The following IAH1 variants were observed in gnomAD, a reference collection of about 807,000 sequenced individuals.
IAH1 encodes the protein isoamyl acetate-hydrolyzing esterase 1 homolog.
In IAH1, 24 loss-of-function variants were observed where a neutral mutation model predicts 26.7. The observed-to-expected ratio is 0.90, with a 90% CI of 0.65 to 1.26. IAH1 has a LOEUF of 1.26. IAH1 is among the 50% of genes most tolerant of loss of function. IAH1 has a pLI of 0.00. For missense variants in IAH1, 300 were observed against 299.9 expected, an observed-to-expected ratio of 1.00 and a Z score of 0.00; for synonymous variants, 140 against 118.5, an observed-to-expected ratio of 1.18 and a Z score of -1.18.
exon 7 of IAH1, chr2:9,496,414 G>C (rs796307645): frequency 3.3e-5 from 5 of 151,222 alleles, no homozygotes; most frequent in African/African-American, 1.2e-4. Flanking sequence ...ACAGGTGTGA[G>C]TCACCACACC....
rs571615380 is a variant in IAH1, at chr2:9,484,211, T to C, written c.446-221T>C. The stretch of plus-strand genomic sequence containing the variant: ...CGCCTCAGAAGATTCCGGTTACCAC[T>C]GAAGGCTCCTTCTTCCCACTGCACC... On this transcript the variant is annotated intron_variant, in intron 4 of 5. Coordinates refer to ENST00000497473, the MANE Select transcript of IAH1 (RefSeq NM_001039613.3). Among the ~76,000 whole-genome samples the C allele has an allele frequency of 3.5e-4, 53 of 152,330 alleles. 1 individual carries two copies. Among genetic ancestry groups the C allele is most frequent in the Admixed American group, 1.4e-3 (21 of 15,300 alleles).
the IAH1 span, among the ~76,000 whole-genome samples, chr2:9,507,437 G>A: frequency 5.9e-5 from 9 of 152,236 alleles, no homozygotes; most frequent in African/African-American, 2.2e-4. Flanking sequence ...GGGAGGTGGA[G>A]GTTGCAGTGA....
intron 5 of IAH1, 93 bp from the exon 6 acceptor site, chr2:9,488,054 C>T (rs912288318): frequency 2.4e-6 from 2 of 844,558 alleles, no homozygotes; most frequent in Non-Finnish European, 1.8e-6. Context: ...TCCTGTCTTC[C>T]AGTAATCCTC....
chr2:9,493,100 C>A, downstream of IAH1: 1 of 795,204 alleles, frequency 1.3e-6, no homozygotes, highest in Non-Finnish European at 2.0e-6. Context: ...GCTAGACATA[C>A]TACCGAGAGC....
intron 6 of IAH1, among the ~76,000 whole-genome samples, chr2:9,496,156 T>TAATATTTATA (rs1662581597): frequency 6.6e-6 from 1 of 151,994 alleles, no homozygotes; most frequent in South Asian, 2.1e-4. Flanking sequence ...TGAAATGGAG[T>TAATATTTATA]CTCGCTCTGT....
chr2:9,484,364 A>T (rs568133720), intron 4 of IAH1, 68 bp from the exon 5 acceptor site: 2 of 1,187,448 alleles, frequency 1.7e-6, no homozygotes, highest in Non-Finnish European at 2.5e-6. Flanking sequence ...AGATGAGTGG[A>T]GCAGAACTTA....
At position 9,488,297 on chromosome 2, in the gene IAH1, G is replaced by C; in HGVS notation, c.715G>C (p.Glu239Gln). ...GCGGGATGTAGCAGAAGCAAAACCT[G>C]AATTAAGTCTGCTGGGAGATGGAGA... is the stretch of plus-strand genomic sequence containing the variant. ...YWRDVAEAKP[E>Q]LSLLGDGDH Residue 239 changes from glutamate (E) to glutamine (Q), a missense_variant, in exon 6 of 6, where the codon GAA (glutamate) becomes CAA (glutamine). Coordinates refer to ENST00000497473, the MANE Select transcript of IAH1 (RefSeq NM_001039613.3). 6.2e-7 allele frequency: 1 copy of C among 1,610,890 alleles called. No homozygotes were observed. Among genetic ancestry groups the C allele is most frequent in the African/African-American group, 1.3e-5 (1 of 74,834 alleles).
chr2:9,484,304 C>CG, intron 4 of IAH1, 128 bp from the exon 5 acceptor site: 1 of 748,240 alleles, frequency 1.3e-6, no homozygotes, highest in Non-Finnish European at 2.4e-6. Context: ...CCCTAAACCC[C>CG]GGGGCTGGCC....
At chr2:9,475,817 A>G (rs962468919) in intron 1 of IAH1, 170 bp from the exon 2 acceptor site, 3 of 627,916 alleles carry the variant, frequency 4.8e-6, no homozygotes, top group Non-Finnish European at 8.7e-6. Context: ...CCCCTCTGCT[A>G]AAGTGCTGCC....
the IAH1 span, among the ~76,000 whole-genome samples, chr2:9,501,707 A>G: frequency 6.6e-6 from 1 of 152,168 alleles, no homozygotes; most frequent in African/African-American, 2.4e-5. Flanking sequence ...TTATCCCAAG[A>G]TTGTCATTTT....
rs61732201 is a variant in IAH1, at chr2:9,476,025, T to C, written c.120T>C (p.Ala40=). The C allele has an allele frequency of 1.2e-6, 2 of 1,613,678 alleles. No individual in the cohort carries two copies. Among genetic ancestry groups the C allele is most frequent in the Non-Finnish European group, 8.5e-7 (1 of 1,179,914 alleles). Residue 40 remains alanine, a synonymous_variant, in exon 2 of 6, where the codon GCT becomes GCC. Coordinates refer to ENST00000497473, the MANE Select transcript of IAH1 (RefSeq NM_001039613.3). ...AGGGTGGATGGGGAGCATCGCTGGCTGACAGGCTGGTCAGGTGAGAATGGT... is the reference window on the plus strand; with the variant it reads ...AGGGTGGATGGGGAGCATCGCTGGCCGACAGGCTGGTCAGGTGAGAATGGT... ...FQQGGWGASL[A]DRLVRKCDVL... is the part of the protein sequence containing the mutation.
intron 3 of IAH1, 70 bp from the exon 4 acceptor site, chr2:9,481,216 A>G (rs1270039970): frequency 1.3e-6 from 2 of 1,529,068 alleles, no homozygotes; most frequent in Admixed American, 1.7e-5. Context: ...CATTTGCAGA[A>G]GTGTGTTCAC....
chr2:9,479,795 C>CTTTTTTTTTTTTTTTTTTT (rs5829216), intron 3 of IAH1, among the ~76,000 whole-genome samples: 1 of 69,870 alleles, frequency 1.4e-5, no homozygotes, highest in Non-Finnish European at 2.5e-5. Context: ...CTGTGTATTG[C>CTTTTTTTTTTTTTTTTTTT]TTTTTTTTTT....
downstream of IAH1, among the ~76,000 whole-genome samples, chr2:9,492,027 C>A (rs1662198287): frequency 6.6e-6 from 1 of 152,154 alleles, no homozygotes; most frequent in Non-Finnish European, 1.5e-5. Context: ...CTTCCTATAC[C>A]CATCATGCTC....
At chr2:9,502,226 T>C in the IAH1 span, 1 of 1,614,146 alleles carries the variant, frequency 6.2e-7, no homozygotes, top group Admixed American at 1.7e-5. Context: ...CTGGCACTTC[T>C]TCTGGGCAGT....
downstream of IAH1, chr2:9,491,127 C>G (rs749976457): frequency 6.2e-7 from 1 of 1,613,048 alleles, no homozygotes; most frequent in East Asian, 2.2e-5. Context: ...GACAGAGATT[C>G]ATACTGTTTA....
At chr2:9,497,353 A>C, downstream of IAH1, 2 of 1,443,336 alleles carry the variant, frequency 1.4e-6, no homozygotes, top group Non-Finnish European at 1.9e-6. Flanking sequence ...CTTACCTTGC[A>C]AAAGCAAAAA....
At position 9,489,259 on chromosome 2, in the gene IAH1, A is replaced by ATTTTTTTTT. The variant is rs34525911; in HGVS notation, c.*946_*954dup. On this transcript the variant is annotated 3_prime_UTR_variant, in exon 6 of 6. Transcript: ENST00000497473. ...AATATTCTAGGTTTGTAGATAGTGAATTTTTTTTTTTTTTTTTTTTTTTTG... is the reference window on the plus strand; with the variant it reads ...AATATTCTAGGTTTGTAGATAGTGAATTTTTTTTTTTTTTTTTTTTTTTTTTTTTTTTTG... 8.7e-4 allele frequency: 76 copies of ATTTTTTTTT among 87,396 alleles called. 6 individuals carry two copies. The highest frequency in any genetic ancestry group is 4.8e-3 in the African/African-American group (74 of 15,526). The allele number at this position is 87,396 out of a possible 1,614,324, so 5.4% of individuals were successfully genotyped here.
At chr2:9,499,456 C>CA (rs1662865930), downstream of IAH1, among the ~76,000 whole-genome samples, 1 of 151,938 alleles carries the variant, frequency 6.6e-6, no homozygotes. Flanking sequence ...GGCTGGAGTG[C>CA]AGTGGCGTGA....
Sources: allele counts gnomAD v4.1 joint callset (sites outside exome capture counted in the v4.1 genomes callset), GRCh38; gene constraint gnomAD v4.1.1; transcripts MANE v1.5; gene names NCBI Gene and HGNC (gene_info 2026-07-23, HGNC 2026-07-21).